RGSL1: variants seen among roughly 807,000 people sequenced by gnomAD.
The protein encoded by RGSL1 is regulator of G protein signaling protein-like.
Under a neutral mutation model 124.7 loss-of-function variants are expected in RGSL1, and 97 were observed. The observed-to-expected ratio is 0.78, with a 90% CI of 0.66 to 0.92. The LOEUF is 0.92. Ranked by LOEUF, RGSL1 falls within the 40% of genes least tolerant of loss-of-function variation. The probability of loss-of-function intolerance (pLI) is 0.00; values close to 1 mark genes in which losing one functional copy is unlikely to be tolerated. For missense variants in RGSL1, 1,233 were observed against 1,288.4 expected (o/e 0.96, Z 0.66); for synonymous variants, 424 against 438.1 (o/e 0.97, Z 0.40).
chr1:182,543,760 T>C (rs1289503883), intron 15 of RGSL1, among the ~76,000 whole-genome samples: 1 of 152,094 alleles, frequency 6.6e-6, no homozygotes, highest in Non-Finnish European at 1.5e-5. Flanking sequence ...TGATTCAACC[T>C]GGTAGTTTTT....
rs1660345131 is a variant in RGSL1, at chr1:182,548,297, A to G, written c.2670-20A>G. 3 of 1,551,388 alleles carry G rather than the reference A, an allele frequency of 1.9e-6. No individual in the cohort carries two copies. The highest frequency in any genetic ancestry group is 2.4e-5 in the South Asian group (2 of 84,040). On this transcript the variant is annotated intron_variant, in intron 15 of 21. Transcript: ENST00000294854. ...TTTCATCTTCTCCTCCTGATTTCCT[A>G]CTTCACATTTCTTTTTTAGATTTAA...
In RGSL1 at chr1:182,532,188, A is replaced by ATG. The variant is rs140575460; in HGVS notation, c.2365-460_2365-459dup. ...GGAAACTTATGAAATTCGTGTGTGT[A>ATG]TGTGTGTGTGTGTGTAGGTGTATGA... On this transcript the variant is annotated intron_variant, in intron 13 of 21. Coordinates refer to ENST00000294854, the MANE Select transcript of RGSL1 (RefSeq NM_001137669.2). Among the ~76,000 whole-genome samples the ATG allele has an allele frequency of 7.5e-3, 1,134 of 151,194 alleles. 14 individuals carry two copies. Among genetic ancestry groups the ATG allele is most frequent in the Middle Eastern group, 0.027 (8 of 294 alleles).
intron 14 of RGSL1, among the ~76,000 whole-genome samples, chr1:182,540,029 G>T (rs1248712961): frequency 6.6e-6 from 1 of 152,170 alleles, no homozygotes; most frequent in Non-Finnish European, 1.5e-5. Flanking sequence ...CACCTTCGGT[G>T]CTCAGTTGAC....
At chr1:182,462,203 G>A (rs187401195) in intron 4 of RGSL1, among the ~76,000 whole-genome samples, 3 of 152,200 alleles carry the variant, frequency 2.0e-5, no homozygotes, top group African/African-American at 7.2e-5. Flanking sequence ...GCAGGCAGTA[G>A]GTTGATATAT....
At chr1:182,528,695 G>A (rs1658940240) in intron 11 of RGSL1, among the ~76,000 whole-genome samples, 1 of 152,144 alleles carries the variant, frequency 6.6e-6, no homozygotes, top group African/African-American at 2.4e-5. Context: ...GATACAACAG[G>A]TGGGCTCCCA....
Position 182,540,339 on chromosome 1 carries a change from G to C in RGSL1, c.2587G>C (p.Val863Leu), listed in dbSNP as rs938083574. ...ADQENGEITL[V>L]KRRIFGHRII... ...CCAAGAGAATGGAGAAATAACCCTT[G>C]TAAAGCGTCGTATATTTGGCCACAG... is the stretch of plus-strand genomic sequence containing the variant. Residue 863 changes from valine (V) to leucine (L), a missense_variant, in exon 15 of 22, where the codon GTA becomes CTA. By Grantham distance (32) the Val-to-Leu change is conservative. Transcript: ENST00000294854. 6.4e-7 allele frequency: 1 copy of C among 1,551,268 alleles called. No homozygotes were observed. The highest frequency in any genetic ancestry group is 1.4e-5 in the African/African-American group (1 of 73,012).
intron 9 of RGSL1, among the ~76,000 whole-genome samples, chr1:182,511,496 T>C (rs1489458013): frequency 3.3e-5 from 5 of 152,152 alleles, no homozygotes; most frequent in Admixed American, 2.0e-4. Flanking sequence ...CTTAGCACCA[T>C]TTATTGAAGA....
At chr1:182,497,962 G>A (rs947402284) in intron 9 of RGSL1, among the ~76,000 whole-genome samples, 1 of 152,066 alleles carries the variant, frequency 6.6e-6, no homozygotes, top group Admixed American at 6.6e-5. Context: ...CTGGCCTCAA[G>A]AGATCTTGCC....
chr1:182,452,061 C>A (rs1001397454), intron 1 of RGSL1, among the ~76,000 whole-genome samples: 1 of 151,856 alleles, frequency 6.6e-6, no homozygotes, highest in African/African-American at 2.4e-5. Context: ...GAGAGAAGAG[C>A]CTCAGTTTTC....
At chr1:182,476,822 CA>C (rs1360236005) in intron 6 of RGSL1, among the ~76,000 whole-genome samples, 1 of 152,118 alleles carries the variant, frequency 6.6e-6, no homozygotes, top group Admixed American at 6.5e-5. Flanking sequence ...TCAACTGTGC[CA>C]GGCACGCTGC....
chr1:182,460,904 T>C (rs1427221619), intron 4 of RGSL1: 1 of 352,310 alleles, frequency 2.8e-6, no homozygotes, highest in Non-Finnish European at 5.6e-6. Flanking sequence ...TGGCACACAG[T>C]TGTGCACATG....
intron 21 of RGSL1, among the ~76,000 whole-genome samples, chr1:182,557,082 T>G (rs1660908510): frequency 6.6e-6 from 1 of 152,182 alleles, no homozygotes; most frequent in African/African-American, 2.4e-5. Flanking sequence ...TGAGGTCACC[T>G]GGTGGGGCTG....
At chr1:182,502,277 C>T (rs1458998306) in intron 9 of RGSL1, among the ~76,000 whole-genome samples, 1 of 152,038 alleles carries the variant, frequency 6.6e-6, no homozygotes, top group South Asian at 2.1e-4. Flanking sequence ...TTCCTTTCTT[C>T]TACTGGTTTT....
At chr1:182,532,034 T>G (rs1183050759) in intron 13 of RGSL1, among the ~76,000 whole-genome samples, 1 of 152,174 alleles carries the variant, frequency 6.6e-6, no homozygotes, top group Non-Finnish European at 1.5e-5. Context: ...GCTTATGTTG[T>G]TTCCCTCTCT....
intron 4 of RGSL1, among the ~76,000 whole-genome samples, chr1:182,461,740 A>G (rs573784604): frequency 6.6e-6 from 1 of 152,294 alleles, no homozygotes. Flanking sequence ...ATTTAAAGGC[A>G]GATTAGAGCA....
In RGSL1 at chr1:182,548,765, G is replaced by C. The variant is rs371661314; in HGVS notation, c.2874G>C (p.Arg958=). ...LAAITEGYLD[R]SVFHGAIMSV... ...CCATCACAGAGGGCTACCTAGATCG[G>C]AGCGTCTTCCATGGGGCTATCATGT... The change falls in exon 17 of 22, where the codon CGG becomes CGC. Residue 958 remains arginine (R), a synonymous_variant. Coordinates refer to ENST00000294854, the MANE Select transcript of RGSL1 (RefSeq NM_001137669.2). 1.3e-6 allele frequency: 2 copies of C among 1,551,674 alleles called. No homozygotes were observed. Among genetic ancestry groups the C allele is most frequent in the Non-Finnish European group, 1.7e-6 (2 of 1,146,998 alleles).
intron 10 of RGSL1, 126 bp from the exon 11 acceptor site, chr1:182,527,453 C>A: frequency 1.4e-6 from 1 of 728,074 alleles, no homozygotes; most frequent in Non-Finnish European, 2.2e-6. Context: ...AATCCATCCA[C>A]AATGCTTTTC....
upstream of RGSL1, chr1:182,450,087 T>C: frequency 6.6e-7 from 1 of 1,517,428 alleles, no homozygotes. Context: ...TCATTACGTG[T>C]TCACAATGGA....
chr1:182,475,995 A>G (rs1177580967), intron 6 of RGSL1, among the ~76,000 whole-genome samples: 1 of 152,182 alleles, frequency 6.6e-6, no homozygotes, highest in African/African-American at 2.4e-5. Flanking sequence ...CACAGAGAGT[A>G]AGTGAATTAG....
Sources: gnomAD v4.1 joint callset for allele counts (sites outside exome capture counted in the v4.1 genomes callset) on GRCh38, gnomAD v4.1.1 for gene constraint, MANE v1.5 for transcripts, NCBI Gene and HGNC (gene_info 2026-07-23, HGNC 2026-07-21) for gene names.